Variants in FIBCD1 observed in about 807,000 individuals in gnomAD.
FIBCD1 encodes fibrinogen C domain containing 1, also known as fibrinogen C domain-containing protein 1.
Under a neutral mutation model 45.1 loss-of-function variants are expected in FIBCD1, and 47 were observed. The ratio of observed to expected loss-of-function variants is 1.04; its 90% CI spans 0.82 to 1.33. FIBCD1 has a LOEUF of 1.33. FIBCD1 is among the 40% of genes most tolerant of loss of function. The pLI is 0.00. For synonymous variants in FIBCD1, 313 were observed against 308.1 expected, an observed-to-expected ratio of 1.02 and a Z score of -0.17; for missense variants, 653 against 682.2, an observed-to-expected ratio of 0.96 and a Z score of 0.48.
intron 1 of FIBCD1, among the ~76,000 whole-genome samples, chr9:130,932,657 C>T (rs1832459701): frequency 6.6e-6 from 1 of 152,222 alleles, no homozygotes; most frequent in Admixed American, 6.5e-5. Flanking sequence ...CTCCACTCCC[C>T]CCAGCTTGGA....
At chr9:130,939,636 A>G (rs1179461550), upstream of FIBCD1, among the ~76,000 whole-genome samples, 3 of 151,490 alleles carry the variant, frequency 2.0e-5, no homozygotes, top group East Asian at 5.9e-4. Flanking sequence ...CGCGAGTACC[A>G]GCCGCTCCGC....
At chr9:130,925,746 G>A (rs190588026) in intron 2 of FIBCD1, among the ~76,000 whole-genome samples, 2 of 152,352 alleles carry the variant, frequency 1.3e-5, no homozygotes, top group Admixed American at 1.3e-4. Context: ...GCTTCAGGAG[G>A]CTGCAGGACC....
intron 4 of FIBCD1, among the ~76,000 whole-genome samples, chr9:130,914,508 G>A (rs1832121430): frequency 6.6e-6 from 1 of 152,252 alleles, no homozygotes; most frequent in Admixed American, 6.5e-5. Context: ...TGCTGGGCGG[G>A]GCAGAAAATG....
intron 6 of FIBCD1, among the ~76,000 whole-genome samples, chr9:130,904,914 T>C (rs973786941): frequency 6.6e-6 from 1 of 152,164 alleles, no homozygotes; most frequent in African/African-American, 2.4e-5. Context: ...AGCTCATCTT[T>C]TATGACATGC....
chr9:130,917,838 G>A (rs914219184), intron 4 of FIBCD1, among the ~76,000 whole-genome samples: 4 of 152,178 alleles, frequency 2.6e-5, no homozygotes, highest in African/African-American at 9.7e-5. Context: ...CAGGTGCGCA[G>A]GGCTGAGATG....
chr9:130,917,283 T>C (rs948428915), intron 4 of FIBCD1, among the ~76,000 whole-genome samples: 1 of 151,684 alleles, frequency 6.6e-6, no homozygotes, highest in Non-Finnish European at 1.5e-5. Flanking sequence ...ATGCCACGAG[T>C]GGGAAGACAG....
intron 4 of FIBCD1, among the ~76,000 whole-genome samples, chr9:130,912,574 G>T (rs1832077460): frequency 6.6e-6 from 1 of 151,926 alleles, no homozygotes; most frequent in Admixed American, 6.5e-5. Flanking sequence ...AGGCTTGGTG[G>T]CATGCACCTG....
At chr9:130,921,367 GTGATCC>G (rs1411938040) in intron 4 of FIBCD1, among the ~76,000 whole-genome samples, 1 of 152,256 alleles carries the variant, frequency 6.6e-6, no homozygotes, top group Non-Finnish European at 1.5e-5. Context: ...GTGGCGGGGG[GTGATCC>G]TGACAGATGT....
chr9:130,902,989 CGCCGG>C lies in FIBCD1; in HGVS notation c.*1070_*1074del, dbSNP rs1420033054. The C allele has an allele frequency of 2.0e-5, 3 of 152,324 alleles. No individual in the cohort carries two copies. The highest frequency in any genetic ancestry group is 4.8e-5 in the African/African-American group (2 of 41,458). 9.4% of individuals were successfully genotyped at this position (152,324 alleles called of 1,614,324 possible). A position where few individuals can be genotyped will look rare whatever the true frequency, so the allele number is the denominator to read the frequency against. The stretch of plus-strand genomic sequence containing the variant: ...AGGTGGTCCCTGTCCCTTGACCACT[CGCCGG>C]GCCGGGCCTGGCCTGGGTCCAGGTG... On this transcript the variant is annotated 3_prime_UTR_variant, in exon 7 of 7. Transcript: ENST00000372338.
At chr9:130,938,509 G>A in intron 1 of FIBCD1, 27 bp downstream of exon 1, 1 of 1,477,588 alleles carries the variant, frequency 6.8e-7, no homozygotes, top group South Asian at 1.3e-5. Context: ...AGCCGCCCAG[G>A]CCCCGTGTCC....
Position 130,938,709 on chromosome 9 carries a change from C to T in FIBCD1, c.-102G>A. 1 of 659,354 alleles carries T rather than the reference C, an allele frequency of 1.5e-6. No homozygotes were observed. Among genetic ancestry groups the T allele is most frequent in the Non-Finnish European group, 2.0e-6 (1 of 503,382 alleles). The allele number at this position is 659,354 out of a possible 1,614,324, so 40.8% of individuals were successfully genotyped here. ...GCGGGCGCGGGGCGCGCTCTGTCCG[C>T]CGGGTCCCCGCCTCTGTGCCCCGCG... On this transcript the variant is annotated 5_prime_UTR_variant, in exon 1 of 7. Transcript: ENST00000372338.
intron 4 of FIBCD1, among the ~76,000 whole-genome samples, chr9:130,923,377 C>T (rs1168474568): frequency 2.0e-5 from 3 of 152,286 alleles, no homozygotes; most frequent in African/African-American, 7.2e-5. Flanking sequence ...AAAAGCCGGG[C>T]GCCCACACAC....
At chr9:130,936,302 C>G (rs558723661) in intron 1 of FIBCD1, 2 of 152,412 alleles carry the variant, frequency 1.3e-5, no homozygotes, top group African/African-American at 4.8e-5. Flanking sequence ...CCAAGGGAAC[C>G]AGGGCAAGCA....
intron 3 of FIBCD1, 68 bp from the exon 4 acceptor site, chr9:130,923,948 C>T: frequency 1.9e-6 from 3 of 1,604,978 alleles, no homozygotes; most frequent in Non-Finnish European, 2.5e-6. Context: ...CCTGGCCAAA[C>T]TGTCTGTCCA....
At chr9:130,923,191 G>A (rs1425429199) in intron 4 of FIBCD1, among the ~76,000 whole-genome samples, 5 of 152,184 alleles carry the variant, frequency 3.3e-5, no homozygotes, top group South Asian at 4.1e-4. Flanking sequence ...CTGTGGTCCC[G>A]CCCCTGCCCT....
chr9:130,938,646 C>A lies in FIBCD1; in HGVS notation c.-39G>T, dbSNP rs1467210995. On this transcript the variant is annotated 5_prime_UTR_variant, in exon 1 of 7. Coordinates refer to ENST00000372338, the MANE Select transcript of FIBCD1 (RefSeq NM_032843.5). ...TGGCGGGGGCGCCGGGCGAGGCGCG[C>A]CGCTGCGGAGCGCAAAGGAGACGGG... 2.2e-6 allele frequency: 3 copies of A among 1,377,850 alleles called. No individual in the cohort carries two copies. The highest frequency in any genetic ancestry group is 3.0e-5 in the African/African-American group (2 of 65,806). 85.4% of individuals were successfully genotyped at this position (1,377,850 alleles called of 1,614,324 possible). A position where few individuals can be genotyped will look rare whatever the true frequency, so the allele number is the denominator to read the frequency against.
At chr9:130,923,982 T>A in intron 3 of FIBCD1, 102 bp from the exon 4 acceptor site, 3 of 1,556,234 alleles carry the variant, frequency 1.9e-6, no homozygotes, top group African/African-American at 2.7e-5. Flanking sequence ...TGGGGTCCCA[T>A]GGGGTTGAGA....
At chr9:130,907,112 G>A (rs1831942313) in intron 5 of FIBCD1, among the ~76,000 whole-genome samples, 1 of 152,180 alleles carries the variant, frequency 6.6e-6, no homozygotes, top group Non-Finnish European at 1.5e-5. Context: ...AGGGAGAGAG[G>A]GAGACCGGCC....
At chr9:130,912,763 A>G (rs1470429765) in intron 4 of FIBCD1, among the ~76,000 whole-genome samples, 1 of 151,926 alleles carries the variant, frequency 6.6e-6, no homozygotes, top group Non-Finnish European at 1.5e-5. Flanking sequence ...GGGCATCTCC[A>G]GCACTTTGCT....
Sources: gnomAD v4.1 joint callset for allele counts (sites outside exome capture counted in the v4.1 genomes callset) on GRCh38, gnomAD v4.1.1 for gene constraint, MANE v1.5 for transcripts, NCBI Gene and HGNC (gene_info 2026-07-23, HGNC 2026-07-21) for gene names.